Variants in ZMAT4 observed in about 807,000 individuals in gnomAD.
The protein encoded by ZMAT4 is zinc finger matrin-type protein 4.
ZMAT4 carries 17 observed loss-of-function variants against 28.7 expected under a neutral mutation model. The observed-to-expected ratio is 0.59, with a 90% CI of 0.41 to 0.89. The LOEUF (loss-of-function observed/expected upper bound fraction) is 0.89. Ranked by LOEUF, ZMAT4 falls within the 40% of genes least tolerant of loss-of-function variation. The pLI is 0.00. For missense variants in ZMAT4, 240 were observed against 283.8 expected (o/e 0.85, Z 1.11); for synonymous variants, 117 against 109.2 (o/e 1.07, Z -0.44).
chr8:40,779,223 G>C (rs1049469739), intron 2 of ZMAT4, among the ~76,000 whole-genome samples: 1 of 152,136 alleles, frequency 6.6e-6, no homozygotes, highest in African/African-American at 2.4e-5. Context: ...TCTCTTGCCT[G>C]CCACCATGTA....
chr8:40,848,123 T>C (rs1417965624), intron 1 of ZMAT4, among the ~76,000 whole-genome samples: 1 of 152,116 alleles, frequency 6.6e-6, no homozygotes, highest in Non-Finnish European at 1.5e-5. Context: ...GAAAAAGATG[T>C]TAATAACCCA....
At chr8:40,624,781 G>C (rs975564307) in intron 5 of ZMAT4, among the ~76,000 whole-genome samples, 1 of 152,094 alleles carries the variant, frequency 6.6e-6, no homozygotes, top group African/African-American at 2.4e-5. Context: ...GTCAAGCCTA[G>C]TTTTCAGTCA....
chr8:40,808,431 T>C (rs572052615), intron 2 of ZMAT4: 8 of 396,128 alleles, frequency 2.0e-5, no homozygotes, highest in South Asian at 1.5e-4. Flanking sequence ...TTACAGGATA[T>C]TTAAGAGACA....
intron 5 of ZMAT4, among the ~76,000 whole-genome samples, chr8:40,615,756 G>A (rs1211231503): frequency 3.9e-5 from 6 of 152,024 alleles, no homozygotes; most frequent in Admixed American, 6.6e-5. Flanking sequence ...AGTAGTTCTC[G>A]TGCCATGGTT....
intron 2 of ZMAT4, among the ~76,000 whole-genome samples, chr8:40,778,739 C>T (rs945318760): frequency 6.6e-6 from 1 of 152,200 alleles, no homozygotes; most frequent in Non-Finnish European, 1.5e-5. Flanking sequence ...GCTCAACCCC[C>T]ACCTGCTTTT....
At chr8:40,765,509 A>G (rs1455521913) in intron 3 of ZMAT4, among the ~76,000 whole-genome samples, 2 of 152,230 alleles carry the variant, frequency 1.3e-5, no homozygotes, top group South Asian at 4.1e-4. Context: ...TAGAAAAATG[A>G]TTTGATAAAT....
At chr8:40,886,619 C>T (rs1818459247) in intron 1 of ZMAT4, among the ~76,000 whole-genome samples, 1 of 152,152 alleles carries the variant, frequency 6.6e-6, no homozygotes, top group Admixed American at 6.5e-5. Context: ...TCTTATCACA[C>T]CAAAAGTCTA....
chr8:40,697,510 G>T, intron 3 of ZMAT4, 109 bp from the exon 4 acceptor site: 3 of 1,143,704 alleles, frequency 2.6e-6, no homozygotes, highest in Non-Finnish European at 2.2e-6. Flanking sequence ...TTTTTGTTCT[G>T]CAAGCTGTCT....
rs936667576 is a variant in ZMAT4 at position 40,562,103 on chromosome 8, T to C, written c.674+19062A>G. On this transcript the variant is annotated intron_variant, in intron 6 of 6. Transcript: ENST00000297737. ...CTCCCTGGCTTTAACTTGTACCCAT[T>C]TAGCTGACTTCAAAATGTCCATTCA... Among the ~76,000 whole-genome samples the C allele has an allele frequency of 2.6e-5, 4 of 152,328 alleles. No individual in the cohort carries two copies. The South Asian group carries it at 6.2e-4, about 24-fold the overall frequency.
chr8:40,749,228 A>G (rs1812362188), intron 3 of ZMAT4, among the ~76,000 whole-genome samples: 1 of 152,160 alleles, frequency 6.6e-6, no homozygotes, highest in Non-Finnish European at 1.5e-5. Flanking sequence ...TCCAATCAGA[A>G]AGAGGTTCAG....
chr8:40,601,405 A>G (rs28726077), intron 5 of ZMAT4, among the ~76,000 whole-genome samples: 32,257 of 71,082 alleles, frequency 0.45, 10,016 homozygotes, highest in Admixed American at 0.56. Flanking sequence ...AGGAGGAAAG[A>G]AAGGAAGGAA....
At chr8:40,545,097 TGG>T (rs1803158412) in intron 6 of ZMAT4, among the ~76,000 whole-genome samples, 1 of 152,182 alleles carries the variant, frequency 6.6e-6, no homozygotes, top group Admixed American at 6.5e-5. Context: ...GCCCCTGGCC[TGG>T]AGTTCAACAG....
intron 1 of ZMAT4, among the ~76,000 whole-genome samples, chr8:40,846,014 T>A (rs1053640987): frequency 6.6e-6 from 1 of 151,922 alleles, no homozygotes. Context: ...TCTTTCAAAC[T>A]CCAGAGAGAG....
chr8:40,684,921 T>C (rs571140966), intron 4 of ZMAT4, among the ~76,000 whole-genome samples: 2 of 152,048 alleles, frequency 1.3e-5, no homozygotes, highest in East Asian at 3.9e-4. Context: ...GACCTCATGG[T>C]TTCTCTATTG....
At chr8:40,742,206 C>G (rs1812039343) in intron 3 of ZMAT4, among the ~76,000 whole-genome samples, 1 of 151,942 alleles carries the variant, frequency 6.6e-6, no homozygotes, top group African/African-American at 2.4e-5. Flanking sequence ...CGTGATCATA[C>G]CACCGCACTC....
At chr8:40,893,994 A>T (rs1818783608) in intron 1 of ZMAT4, among the ~76,000 whole-genome samples, 1 of 152,260 alleles carries the variant, frequency 6.6e-6, no homozygotes. Flanking sequence ...AGTATGAATG[A>T]GTAGATTTGA....
chr8:40,538,715 C>T (rs370059213), intron 6 of ZMAT4, among the ~76,000 whole-genome samples: 137 of 152,174 alleles, frequency 9.0e-4, no homozygotes, highest in African/African-American at 3.0e-3. Context: ...TTCCTGACTC[C>T]CCTTTTCCTC....
intron 4 of ZMAT4, among the ~76,000 whole-genome samples, chr8:40,696,832 A>G (rs75834397): frequency 6.6e-6 from 1 of 152,204 alleles, no homozygotes; most frequent in Non-Finnish European, 1.5e-5. Flanking sequence ...GGTAAAAAAA[A>G]GGATGATGTC....
At chr8:40,803,947 C>T (rs1181309320) in intron 2 of ZMAT4, among the ~76,000 whole-genome samples, 1 of 152,162 alleles carries the variant, frequency 6.6e-6, no homozygotes, top group Non-Finnish European at 1.5e-5. Context: ...AACTTAAATG[C>T]AGCTTGCATT....
Sources: gnomAD v4.1 joint callset for allele counts (sites outside exome capture counted in the v4.1 genomes callset) on GRCh38, gnomAD v4.1.1 for gene constraint, MANE v1.5 for transcripts, NCBI Gene and HGNC (gene_info 2026-07-23, HGNC 2026-07-21) for gene names.